ZC3HC1: variants seen among roughly 807,000 people sequenced by gnomAD.
ZC3HC1 encodes the protein zinc finger C3HC-type containing 1, also known as zinc finger C3HC-type protein 1.
Under a neutral mutation model 61.9 loss-of-function variants are expected in ZC3HC1, and 38 were observed. The observed-to-expected ratio is 0.61, with a 90% CI of 0.47 to 0.81. ZC3HC1 has a LOEUF of 0.81. Ranked by LOEUF, ZC3HC1 falls within the 30% of genes least tolerant of loss-of-function variation. The pLI is 0.00. For synonymous variants in ZC3HC1, 213 were observed against 229.9 expected, an observed-to-expected ratio of 0.93 and a Z score of 0.67; for missense variants, 554 against 622.7, an observed-to-expected ratio of 0.89 and a Z score of 1.17.
intron 2 of ZC3HC1, among the ~76,000 whole-genome samples, chr7:130,044,822 C>A (rs1250442164): frequency 1.3e-5 from 2 of 152,166 alleles, no homozygotes; most frequent in African/African-American, 4.8e-5. Context: ...AATGAGAATG[C>A]AGCATTGCTT....
At chr7:130,027,915 TC>T (rs1005044218) in intron 5 of ZC3HC1, among the ~76,000 whole-genome samples, 24 of 151,624 alleles carry the variant, frequency 1.6e-4, no homozygotes, top group Non-Finnish European at 3.1e-4. Flanking sequence ...ACATCTGTAA[TC>T]CCAGCACTTT....
intron 5 of ZC3HC1, 193 bp from the exon 6 acceptor site, chr7:130,026,505 C>T: frequency 2.1e-6 from 1 of 476,100 alleles, no homozygotes; most frequent in Middle Eastern, 5.8e-4. Flanking sequence ...CTGAATTGCC[C>T]TGAATCTGCT....
At chr7:130,045,890 C>CAAAAAAAAAAAAAAAAAA (rs59500095) in intron 2 of ZC3HC1, among the ~76,000 whole-genome samples, 1 of 38,590 alleles carries the variant, frequency 2.6e-5, no homozygotes, top group Non-Finnish European at 5.6e-5. Context: ...GACTCCATCT[C>CAAAAAAAAAAAAAAAAAA]AAAAAAAAAA....
intron 8 of ZC3HC1, among the ~76,000 whole-genome samples, chr7:130,022,767 G>T (rs1793705513): frequency 6.6e-6 from 1 of 152,086 alleles, no homozygotes; most frequent in African/African-American, 2.4e-5. Context: ...GGCCATGGAT[G>T]GGTACCAGGT....
intron 1 of ZC3HC1, among the ~76,000 whole-genome samples, chr7:130,050,227 G>C (rs1212220875): frequency 6.6e-6 from 1 of 152,064 alleles, no homozygotes; most frequent in African/African-American, 2.4e-5. Context: ...ACAGGCGCGG[G>C]CCACCACGCC....
Position 130,026,209 on chromosome 7 carries a change from A to ATG in ZC3HC1, c.723_724dup (p.Ile242ThrfsTer29). 1 of 1,614,130 alleles carries ATG rather than the reference A, an allele frequency of 6.2e-7. No homozygotes were observed. Among genetic ancestry groups the ATG allele is most frequent in the Non-Finnish European group, 8.5e-7 (1 of 1,180,002 alleles). ...AATACAGGCAGTGACGTGGACTTGG[A>ATG]TGTCTGAGCCTAATTTGATTGTAGT... On this transcript the variant is annotated frameshift_variant, in exon 6 of 10. Transcript: ENST00000358303. LOFTEE classifies it high-confidence loss of function.
chr7:130,045,799 G>C lies in ZC3HC1; in HGVS notation c.258+3234C>G, dbSNP rs923886983. On this transcript the variant is annotated intron_variant, in intron 2 of 9. Coordinates refer to ENST00000358303, the MANE Select transcript of ZC3HC1 (RefSeq NM_016478.5). ...CCAGGTACTTGGGAGGCTGAGGCAG[G>C]AGAATCGCTTGAACCCGGGAGGCAG... Among the ~76,000 whole-genome samples the C allele has an allele frequency of 3.3e-5, 5 of 149,636 alleles. No individual in the cohort carries two copies. The East Asian group carries it at 1.0e-3, about 30-fold the overall frequency.
intron 5 of ZC3HC1, among the ~76,000 whole-genome samples, chr7:130,027,721 G>A (rs547214890): frequency 6.6e-6 from 1 of 151,978 alleles, no homozygotes; most frequent in Non-Finnish European, 1.5e-5. Flanking sequence ...GTTTCACCAT[G>A]TTGGCCAGGC....
intron 2 of ZC3HC1, among the ~76,000 whole-genome samples, chr7:130,041,915 T>C (rs746553339): frequency 6.6e-6 from 1 of 152,150 alleles, no homozygotes; most frequent in Admixed American, 6.6e-5. Flanking sequence ...CACAGGCCCA[T>C]ACTTCACAGA....
chr7:130,030,556 G>C (rs1182016830), intron 4 of ZC3HC1, among the ~76,000 whole-genome samples: 1 of 151,934 alleles, frequency 6.6e-6, no homozygotes, highest in African/African-American at 2.4e-5. Flanking sequence ...CATAGGAAAA[G>C]TGAAGAGAGA....
intron 4 of ZC3HC1, among the ~76,000 whole-genome samples, chr7:130,031,984 G>A (rs1030596570): frequency 1.3e-5 from 2 of 152,186 alleles, no homozygotes; most frequent in Non-Finnish European, 2.9e-5. Flanking sequence ...CCAACACTTT[G>A]GGAGGCCGAG....
At chr7:130,040,390 A>G (rs1215123978) in intron 3 of ZC3HC1, among the ~76,000 whole-genome samples, 1 of 139,858 alleles carries the variant, frequency 7.2e-6, no homozygotes, top group African/African-American at 3.0e-5. Context: ...GCTACTTGGG[A>G]GGCTGAGGCA....
chr7:130,031,342 A>AC (rs914410549), intron 4 of ZC3HC1, among the ~76,000 whole-genome samples: 23 of 147,268 alleles, frequency 1.6e-4, no homozygotes, highest in Non-Finnish European at 2.9e-4. Flanking sequence ...AAAAAAAAAA[A>AC]CAGAAAACCA....
intron 3 of ZC3HC1, 148 bp from the exon 4 acceptor site, chr7:130,039,695 A>T: frequency 1.8e-6 from 1 of 554,612 alleles, no homozygotes; most frequent in Admixed American, 3.7e-5. Context: ...AATATTTTTC[A>T]CAAAACAGGT....
At chr7:130,027,644 G>C (rs925407614) in intron 5 of ZC3HC1, among the ~76,000 whole-genome samples, 3 of 151,784 alleles carry the variant, frequency 2.0e-5, no homozygotes, top group Admixed American at 2.0e-4. Flanking sequence ...CAGCCTCCCA[G>C]GTAGCTGGGA....
chr7:130,021,322 C>T (rs1793634807), intron 9 of ZC3HC1, among the ~76,000 whole-genome samples: 1 of 152,176 alleles, frequency 6.6e-6, no homozygotes, highest in Non-Finnish European at 1.5e-5. Flanking sequence ...TATTATTTTA[C>T]TTTGTCCTTG....
At chr7:130,032,785 G>GGAAGGGAA in intron 4 of ZC3HC1, among the ~76,000 whole-genome samples, 1 of 124,390 alleles carries the variant, frequency 8.0e-6, no homozygotes. Flanking sequence ...AGGGAGGGAG[G>GGAAGGGAA]GGAGGGAAGG....
intron 6 of ZC3HC1, 41 bp from the exon 7 acceptor site, chr7:130,024,547 A>G (rs1793804518): frequency 3.8e-6 from 6 of 1,571,620 alleles, no homozygotes; most frequent in Non-Finnish European, 5.2e-6. Context: ...AAAGTGTAAC[A>G]TTTCCAAATG....
intron 9 of ZC3HC1, among the ~76,000 whole-genome samples, chr7:130,021,876 G>A (rs2116650532): frequency 6.6e-6 from 1 of 152,190 alleles, no homozygotes; most frequent in East Asian, 1.9e-4. Flanking sequence ...AGCAGAATGA[G>A]TCTAACTTGA....
Sources: gnomAD v4.1 joint callset for allele counts (sites outside exome capture counted in the v4.1 genomes callset) on GRCh38, gnomAD v4.1.1 for gene constraint, MANE v1.5 for transcripts, NCBI Gene and HGNC (gene_info 2026-07-23, HGNC 2026-07-21) for gene names.